The following UBAP1 variants were observed in gnomAD, a reference collection of about 807,000 sequenced individuals.
UBAP1 encodes ubiquitin associated protein 1.
UBAP1 carries 5 observed loss-of-function variants against 39.0 expected under a neutral mutation model. The observed-to-expected ratio is 0.13, with a 90% CI of 0.07 to 0.27. The LOEUF (loss-of-function observed/expected upper bound fraction) is 0.27. Ranked by LOEUF, UBAP1 falls within the 10% of genes least tolerant of loss-of-function variation. The pLI is 1.00. For missense variants in UBAP1, 490 were observed against 608.1 expected (o/e 0.81, Z 2.04); for synonymous variants, 211 against 225.1 (o/e 0.94, Z 0.56).
At chr9:34,248,841 A>G (rs1025356814) in intron 4 of UBAP1, among the ~76,000 whole-genome samples, 3 of 152,132 alleles carry the variant, frequency 2.0e-5, no homozygotes, top group African/African-American at 7.2e-5. Flanking sequence ...GGAAATAAAA[A>G]AATTTTTGTG....
intron 1 of UBAP1, among the ~76,000 whole-genome samples, chr9:34,207,048 C>CTTTTTTTTTTTTTTTTTTTTT (rs34197502): frequency 3.3e-5 from 3 of 90,058 alleles, no homozygotes; most frequent in Non-Finnish European, 5.9e-5. Context: ...ATTGTTATTT[C>CTTTTTTTTTTTTTTTTTTTTT]TTTTTTTTTT....
intron 1 of UBAP1, among the ~76,000 whole-genome samples, chr9:34,214,983 T>C (rs1053168959): frequency 6.6e-6 from 1 of 152,142 alleles, no homozygotes; most frequent in Non-Finnish European, 1.5e-5. Flanking sequence ...ACAGTAGATG[T>C]TGGCGTGGAT....
intron 1 of UBAP1, among the ~76,000 whole-genome samples, chr9:34,200,672 A>G (rs1831317492): frequency 6.6e-6 from 1 of 152,184 alleles, no homozygotes. Context: ...AACATTTGCA[A>G]GCTTATTAGT....
chr9:34,196,898 TTGTGTGTG>T (rs777008697), intron 1 of UBAP1, among the ~76,000 whole-genome samples: 168 of 141,430 alleles, frequency 1.2e-3, no homozygotes, highest in African/African-American at 2.8e-3. Context: ...ATATTGTTAT[TTGTGTGTG>T]TGTGTGTGTG....
At chr9:34,224,318 C>T (rs1231976779) in intron 2 of UBAP1, 3 of 447,414 alleles carry the variant, frequency 6.7e-6, no homozygotes, top group South Asian at 5.1e-5. Context: ...GGTGTGCTGT[C>T]AATGAGCATG....
chr9:34,224,424 A>T (rs541251728), intron 2 of UBAP1: 2 of 402,246 alleles, frequency 5.0e-6, no homozygotes, highest in African/African-American at 4.1e-5. Context: ...TACAACGCTG[A>T]GCCCCAGGAG....
chr9:34,210,320 TTAACC>T (rs1162161512), intron 1 of UBAP1, among the ~76,000 whole-genome samples: 3 of 152,206 alleles, frequency 2.0e-5, no homozygotes, highest in Non-Finnish European at 2.9e-5. Context: ...ATTCTCAGAC[TTAACC>T]TGACTGAAAG....
chr9:34,183,588 C>G (rs1203381216), intron 1 of UBAP1, among the ~76,000 whole-genome samples: 1 of 149,700 alleles, frequency 6.7e-6, no homozygotes, highest in Non-Finnish European at 1.5e-5. Flanking sequence ...AACCTTTTTT[C>G]TAACAATTAA....
At position 34,249,727 on chromosome 9, in the gene UBAP1, C is replaced by T. The variant is rs367654591; in HGVS notation, c.1084-52C>T. ...CCCCTGGACTAGGCTGCCTCAGTGA[C>T]TTCTTTGGGGGCCCAGGTCTTCTTG... On this transcript the variant is annotated intron_variant, in intron 4 of 6. Transcript: ENST00000297661. 29 of 1,580,866 alleles carry T rather than the reference C, an allele frequency of 1.8e-5. No homozygotes were observed. In the African/African-American group the frequency reaches 3.0e-4, roughly 16 times the overall value.
At chr9:34,229,442 G>C (rs975116564) in intron 2 of UBAP1, among the ~76,000 whole-genome samples, 3 of 151,646 alleles carry the variant, frequency 2.0e-5, no homozygotes, top group Non-Finnish European at 1.5e-5. Context: ...ATTTTTGGTA[G>C]AGATGGGGTT....
intron 1 of UBAP1, among the ~76,000 whole-genome samples, chr9:34,189,488 C>T (rs1008759843): frequency 4.0e-5 from 6 of 151,838 alleles, no homozygotes; most frequent in African/African-American, 1.2e-4. Context: ...CGCACCCGGC[C>T]GATCATTATG....
At chr9:34,189,779 G>A (rs899451264) in intron 1 of UBAP1, among the ~76,000 whole-genome samples, 5 of 151,880 alleles carry the variant, frequency 3.3e-5, no homozygotes, top group Non-Finnish European at 7.4e-5. Flanking sequence ...TGGGATTACG[G>A]GCGTGCTCCA....
chr9:34,206,271 A>G (rs1028833266), intron 1 of UBAP1: 1 of 152,198 alleles, frequency 6.6e-6, no homozygotes, highest in African/African-American at 2.4e-5. Flanking sequence ...AGCCTTAAGG[A>G]TACCTTACAA....
intron 1 of UBAP1, among the ~76,000 whole-genome samples, chr9:34,188,936 G>A (rs1342357734): frequency 3.3e-5 from 5 of 152,084 alleles, no homozygotes; most frequent in South Asian, 4.2e-4. Flanking sequence ...CAGCCTGGCC[G>A]ACAAGAGTGA....
chr9:34,182,669 TTCTTTCTTTCTTTCTC>T (rs1215459077), intron 1 of UBAP1, among the ~76,000 whole-genome samples: 4 of 47,040 alleles, frequency 8.5e-5, no homozygotes, highest in African/African-American at 2.0e-4. Flanking sequence ...CTTTCTTTCT[TTCTTTCTTTCTTTCTC>T]TCTCTCTTTC....
intron 1 of UBAP1, among the ~76,000 whole-genome samples, chr9:34,218,121 G>T (rs1055907697): frequency 2.7e-5 from 4 of 150,078 alleles, no homozygotes; most frequent in Non-Finnish European, 4.4e-5. Context: ...GCGTGGTGGC[G>T]GGGGCCTGTA....
intron 1 of UBAP1, among the ~76,000 whole-genome samples, chr9:34,195,192 AG>A (rs1830958524): frequency 6.6e-6 from 1 of 151,546 alleles, no homozygotes; most frequent in Non-Finnish European, 1.5e-5. Flanking sequence ...ATTTCATTGA[AG>A]TCCCCTTTAG....
chr9:34,204,268 G>A (rs12375731), intron 1 of UBAP1, among the ~76,000 whole-genome samples: 49,350 of 152,098 alleles, frequency 0.32, 9,820 homozygotes, highest in Non-Finnish European at 0.45. Context: ...GAGTGCAGAC[G>A]ACAGAGCAAG....
intron 1 of UBAP1, among the ~76,000 whole-genome samples, chr9:34,193,081 C>T (rs1459444006): frequency 1.3e-5 from 2 of 152,072 alleles, no homozygotes; most frequent in African/African-American, 4.8e-5. Context: ...GCGAGGCAGG[C>T]AGATCACTTG....
Sources: gnomAD v4.1 joint callset for allele counts (sites outside exome capture counted in the v4.1 genomes callset) on GRCh38, gnomAD v4.1.1 for gene constraint, MANE v1.5 for transcripts, NCBI Gene and HGNC (gene_info 2026-07-23, HGNC 2026-07-21) for gene names.